The following SLC9A1 variants were observed in gnomAD, a reference collection of about 807,000 sequenced individuals.
SLC9A1 encodes solute carrier family 9 member A1.
Under a neutral mutation model 67.9 loss-of-function variants are expected in SLC9A1, and 22 were observed. The ratio of observed to expected loss-of-function variants is 0.32; its 90% CI spans 0.23 to 0.46. The LOEUF is 0.46. Ranked by LOEUF, SLC9A1 falls within the 20% of genes least tolerant of loss-of-function variation. SLC9A1 has a pLI of 1.00. For synonymous variants in SLC9A1, 421 were observed against 471.8 expected (o/e 0.89, Z 1.40); for missense variants, 686 against 1,094.8 (o/e 0.63, Z 5.27).
chr1:27,140,350 C>T (rs1368225817), intron 1 of SLC9A1, among the ~76,000 whole-genome samples: 2 of 152,132 alleles, frequency 1.3e-5, no homozygotes, highest in Admixed American at 1.3e-4. Flanking sequence ...CCCCACCTCC[C>T]AACTAAAGAA....
rs767840776 is a variant in SLC9A1, at chr1:27,101,831, G to A, written c.1936-5C>T. On this transcript the variant is annotated splice_polypyrimidine_tract_variant and splice_region_variant and intron_variant, in intron 9 of 11. Coordinates refer to ENST00000263980, the MANE Select transcript of SLC9A1 (RefSeq NM_003047.5). The surrounding 1 kb of genome is among the most constrained non-coding windows in gnomAD (Gnocchi z 4.9). ...GTGTCTGTTGTAGGACCGCAGCTGTGGGAGGGACAGCGTCAGGGCAGTGCG... is the reference window on the plus strand; with the variant it reads ...GTGTCTGTTGTAGGACCGCAGCTGTAGGAGGGACAGCGTCAGGGCAGTGCG... 27 of 1,604,446 alleles carry A rather than the reference G, an allele frequency of 1.7e-5. No individual in the cohort carries two copies. In the African/African-American group the frequency reaches 3.2e-4, roughly 19 times the overall value.
chr1:27,109,393 T>C lies in SLC9A1; in HGVS notation c.1064+134A>G. ...ATGGCTACCAAGCAGGTCTGGAGCC[T>C]GGAGTTCATGTCTCATCCCTGGAGC... On this transcript the variant is annotated intron_variant, in intron 3 of 11. Transcript: ENST00000263980. The surrounding 1 kb of genome is among the most constrained non-coding windows in gnomAD (Gnocchi z 5.5). The C allele has an allele frequency of 2.1e-6, 2 of 962,936 alleles. No homozygotes were observed. The highest frequency in any genetic ancestry group is 3.2e-6 in the Non-Finnish European group (2 of 631,866). The allele number at this position is 962,936 out of a possible 1,614,324, so 59.6% of individuals were successfully genotyped here.
At position 27,100,752 on chromosome 1, in the gene SLC9A1, C is replaced by T. The variant is rs910522190; in HGVS notation, c.2111-108G>A. The T allele has an allele frequency of 2.0e-5, 17 of 866,418 alleles. No individual in the cohort carries two copies. The highest frequency in any genetic ancestry group is 6.5e-5 in the South Asian group (4 of 61,844). The allele number at this position is 866,418 out of a possible 1,614,324, so 53.7% of individuals were successfully genotyped here. On this transcript the variant is annotated intron_variant, in intron 11 of 11. Transcript: ENST00000263980. This position sits in a 1 kb window ranked among gnomAD's most constrained non-coding sequence, Gnocchi z 5.6. ...CTTCAGGCCTTCTCATGAGCACAGC[C>T]GTCCCGGTCCCAACAGGCCTCAGAA...
intron 1 of SLC9A1, among the ~76,000 whole-genome samples, chr1:27,144,604 C>T (rs1034499578): frequency 7.2e-5 from 11 of 152,242 alleles, no homozygotes; most frequent in Admixed American, 7.2e-4. Flanking sequence ...TTCTTGTCTG[C>T]CCCAGGGCTT....
chr1:27,102,203 G>A, intron 8 of SLC9A1, 73 bp from the exon 9 acceptor site: 1 of 1,433,106 alleles, frequency 7.0e-7, no homozygotes, highest in Non-Finnish European at 9.8e-7. Context: ...TGGCCAGAAG[G>A]AAGTCACCCT....
chr1:27,142,900 C>A (rs2083461149), intron 1 of SLC9A1, among the ~76,000 whole-genome samples: 1 of 152,082 alleles, frequency 6.6e-6, no homozygotes, highest in South Asian at 2.1e-4. Flanking sequence ...AGGCAAACCC[C>A]ACTCATCCCA....
At chr1:27,153,878 G>C in intron 1 of SLC9A1, 105 bp downstream of exon 1, 1 of 730,500 alleles carries the variant, frequency 1.4e-6, no homozygotes, top group African/African-American at 1.8e-5. Flanking sequence ...TACTTTATGG[G>C]GGTAGTTCAG....
intron 1 of SLC9A1, among the ~76,000 whole-genome samples, chr1:27,123,249 T>C (rs750458618): frequency 8.0e-5 from 12 of 150,370 alleles, no homozygotes; most frequent in Non-Finnish European, 1.8e-4. Context: ...CATCTCACAG[T>C]GATTCTCCCC....
At chr1:27,120,859 C>G (rs1276276618) in intron 1 of SLC9A1, among the ~76,000 whole-genome samples, 2 of 152,132 alleles carry the variant, frequency 1.3e-5, no homozygotes, top group Non-Finnish European at 2.9e-5. Flanking sequence ...CACATCCTGA[C>G]CCCCAATTTG....
At chr1:27,139,747 T>G (rs1252107489) in intron 1 of SLC9A1, among the ~76,000 whole-genome samples, 1 of 151,802 alleles carries the variant, frequency 6.6e-6, no homozygotes, top group Non-Finnish European at 1.5e-5. Context: ...CATTCACATC[T>G]CTGTGCCCTT....
Position 27,114,180 on chromosome 1 carries a change from G to C in SLC9A1, c.459C>G (p.Pro153=). 2 of 1,614,184 alleles carry C rather than the reference G, an allele frequency of 1.2e-6. No homozygotes were observed. The highest frequency in any genetic ancestry group is 1.7e-6 in the Non-Finnish European group (2 of 1,180,012). ...AGAAGACGTCGGACTGCAGGAAGGGGGGTGTCTCGCCTACACCCTTGATCA... is the reference window on the plus strand; with the variant it reads ...AGAAGACGTCGGACTGCAGGAAGGGCGGTGTCTCGCCTACACCCTTGATCA... ...GGLIKGVGET[P]PFLQSDVFFL... The change falls in exon 2 of 12, where the codon CCC becomes CCG. Residue 153 remains proline, a synonymous_variant. Coordinates refer to ENST00000263980, the MANE Select transcript of SLC9A1 (RefSeq NM_003047.5). The surrounding 1 kb of genome is among the most constrained non-coding windows in gnomAD (Gnocchi z 5.4).
Position 27,101,141 on chromosome 1 carries a change from C to A in SLC9A1, c.2110+62G>T. 7.8e-7 allele frequency: 1 copy of A among 1,283,096 alleles called. No individual in the cohort carries two copies. The highest frequency in any genetic ancestry group is 1.1e-6 in the Non-Finnish European group (1 of 896,012). 79.5% of individuals were successfully genotyped at this position (1,283,096 alleles called of 1,614,324 possible). On this transcript the variant is annotated intron_variant, in intron 11 of 11. Transcript: ENST00000263980. The surrounding 1 kb of genome is among the most constrained non-coding windows in gnomAD (Gnocchi z 4.9). ...TGGCTGAGGACTGTTCCTGTGGAGCCCCATCCTCAGGAGGTGGCAGCTCAG... is the reference window on the plus strand; with the variant it reads ...TGGCTGAGGACTGTTCCTGTGGAGCACCATCCTCAGGAGGTGGCAGCTCAG...
intron 1 of SLC9A1, among the ~76,000 whole-genome samples, chr1:27,129,863 C>G (rs2083373219): frequency 6.6e-6 from 1 of 152,188 alleles, no homozygotes; most frequent in South Asian, 2.1e-4. Flanking sequence ...TAGCAGCCCT[C>G]TGACACAGGG....
At position 27,101,961 on chromosome 1, in the gene SLC9A1, G is replaced by A. The variant is rs779816415; in HGVS notation, c.1935+55C>T. 161 of 1,484,198 alleles carry A rather than the reference G, an allele frequency of 1.1e-4. No homozygotes were observed. The highest frequency in any genetic ancestry group is 1.5e-4 in the Non-Finnish European group (156 of 1,064,578). 91.9% of individuals were successfully genotyped at this position (1,484,198 alleles called of 1,614,324 possible). A position where few individuals can be genotyped will look rare whatever the true frequency, so the allele number is the denominator to read the frequency against. ...ACGGGCAGGGCAGGGCTGCCGTAGA[G>A]AGGGGCTGAAGGGCTCCTGTACCCT... On this transcript the variant is annotated intron_variant, in intron 9 of 11. Transcript: ENST00000263980. This position sits in a 1 kb window ranked among gnomAD's most constrained non-coding sequence, Gnocchi z 4.9.
intron 2 of SLC9A1, among the ~76,000 whole-genome samples, chr1:27,110,261 C>T (rs948836015): frequency 3.3e-5 from 5 of 152,194 alleles, no homozygotes; most frequent in Admixed American, 6.5e-5. Flanking sequence ...ACCTTGGGCA[C>T]GTCATGCCCA....
chr1:27,141,116 C>A (rs1040851037), intron 1 of SLC9A1, among the ~76,000 whole-genome samples: 3 of 152,128 alleles, frequency 2.0e-5, no homozygotes, highest in African/African-American at 7.2e-5. Flanking sequence ...GCAGGAGAAT[C>A]GCTTGAAGCA....
rs1223834540 is a variant in SLC9A1 at position 27,154,723 on chromosome 1, C to CT, written c.-390dup. 1 of 168,370 alleles carries CT rather than the reference C, an allele frequency of 5.9e-6. No homozygotes were observed. Among genetic ancestry groups the CT allele is most frequent in the Non-Finnish European group, 1.3e-5 (1 of 79,000 alleles). The allele number at this position is 168,370 out of a possible 1,614,324, so 10.4% of individuals were successfully genotyped here. On this transcript the variant is annotated 5_prime_UTR_variant, in exon 1 of 12. Transcript: ENST00000263980. ...TTGGCTGAGGAAAGTGACTGAGGAG[C>CT]TGGGACTCTGGGCTGTGGGCTAAAG...
Position 27,102,668 on chromosome 1 carries a change from C to T in SLC9A1, c.1646+5G>A. 1 of 1,613,760 alleles carries T rather than the reference C, an allele frequency of 6.2e-7. No individual in the cohort carries two copies. The highest frequency in any genetic ancestry group is 8.5e-7 in the Non-Finnish European group (1 of 1,179,926). Reference sequence around the variant, plus strand: ...CCCTGCCTGCCCACCAGGCCTGCCACCTACTTGTCCTTCCAGTGGTGGTGA... The same window carrying T: ...CCCTGCCTGCCCACCAGGCCTGCCATCTACTTGTCCTTCCAGTGGTGGTGA... On this transcript the variant is annotated splice_donor_5th_base_variant and intron_variant, in intron 7 of 11. Transcript: ENST00000263980.
intron 1 of SLC9A1, among the ~76,000 whole-genome samples, chr1:27,139,620 C>T (rs2083441646): frequency 6.6e-6 from 1 of 152,198 alleles, no homozygotes; most frequent in South Asian, 2.1e-4. Context: ...GTTAGCTTCT[C>T]TGCCCAGCAA....
Sources: gnomAD v4.1 joint callset for allele counts (sites outside exome capture counted in the v4.1 genomes callset) on GRCh38, gnomAD v4.1.1 for gene constraint, Gnocchi (gnomAD v3.1) non-coding constraint, MANE v1.5 for transcripts, NCBI Gene and HGNC (gene_info 2026-07-23, HGNC 2026-07-21) for gene names.